The following MPPE1 variants were observed in gnomAD, a reference collection of about 807,000 sequenced individuals.
MPPE1 encodes metallo phosphoesterase.
Under a neutral mutation model 43.8 loss-of-function variants are expected in MPPE1, and 28 were observed. That is an observed-to-expected ratio of 0.64 (90% CI 0.47 to 0.88). The LOEUF is 0.88. Among genes scored for constraint, MPPE1 ranks in the 40% least tolerant of loss-of-function variants. The pLI, the probability that MPPE1 is intolerant of heterozygous loss-of-function variation, is 0.00. For missense variants in MPPE1, 428 were observed against 492.2 expected, an observed-to-expected ratio of 0.87 and a Z score of 1.23; for synonymous variants, 159 against 188.5, an observed-to-expected ratio of 0.84 and a Z score of 1.28.
intron 10 of MPPE1, chr18:11,885,389 A>G (rs1317558436): frequency 2.6e-6 from 1 of 391,298 alleles, no homozygotes; most frequent in Non-Finnish European, 4.6e-6. Context: ...AGAAAATTAA[A>G]CACACACAGA....
intron 3 of MPPE1, among the ~76,000 whole-genome samples, chr18:11,894,305 G>A (rs1168631955): frequency 1.3e-5 from 2 of 152,040 alleles, no homozygotes; most frequent in African/African-American, 4.8e-5. Context: ...GCATGCGCCT[G>A]TGGTACCAGC....
Position 11,897,146 on chromosome 18 carries a change from A to T in MPPE1, c.119T>A (p.Leu40Ter), listed in dbSNP as rs997880090. 3 of 1,378,322 alleles carry T rather than the reference A, an allele frequency of 2.2e-6. No homozygotes were observed. Among genetic ancestry groups the T allele is most frequent in the African/African-American group, 2.9e-5 (2 of 69,192 alleles). The allele number at this position is 1,378,322 out of a possible 1,614,324, so 85.4% of individuals were successfully genotyped here. ...VFAVLLFCEF[L>*]IYYLAIFQCN... ...CTGAAAGATCGCTAAGTAATAGATT[A>T]AAAATTCACAAAATAGAAGCACAGC... Residue 40 changes from leucine (L) to a stop codon, truncating the protein, a stop_gained, in exon 3 of 11, where the codon TTA (leucine) becomes TAA (stop). Coordinates refer to ENST00000588072, the MANE Select transcript of MPPE1 (RefSeq NM_023075.6). LOFTEE classifies it high-confidence loss of function.
intron 10 of MPPE1, 145 bp from the exon 11 acceptor site, chr18:11,884,772 G>A (rs565448003): frequency 2.3e-6 from 3 of 1,330,492 alleles, no homozygotes; most frequent in Admixed American, 2.8e-5. Flanking sequence ...AGACCAAGGG[G>A]GCCCAGCCTT....
rs1210650527 is a variant in MPPE1 at position 11,889,588 on chromosome 18, G to A, written c.391-98C>T. On this transcript the variant is annotated intron_variant, in intron 4 of 10. Coordinates refer to ENST00000588072, the MANE Select transcript of MPPE1 (RefSeq NM_023075.6). ...ATTTTGTTTTGCTTTTTTTTGAGAC[G>A]AGTCTGGCTCTGTCTCCAGGCTGAA... 2.3e-5 allele frequency: 19 copies of A among 833,812 alleles called. No homozygotes were observed. The East Asian group carries it at 3.5e-4, about 16-fold the overall frequency. 51.7% of individuals were successfully genotyped at this position (833,812 alleles called of 1,614,324 possible).
rs183299906 is a variant in MPPE1, at chr18:11,886,465, T to C, written c.867+34A>G. On this transcript the variant is annotated intron_variant, in intron 9 of 10. Transcript: ENST00000588072. This position sits in a 1 kb window ranked among gnomAD's most constrained non-coding sequence, Gnocchi z 4.1. ...ATGCAAGGTGATGAGAGTCACACTG[T>C]GACATGAATTAGCATCACGACACCC... The C allele has an allele frequency of 2.4e-4, 381 of 1,613,998 alleles. No homozygotes were observed. The African/African-American group carries it at 4.1e-3, about 17-fold the overall frequency.
At chr18:11,884,858 G>A in intron 10 of MPPE1, 5 of 1,363,686 alleles carry the variant, frequency 3.7e-6, no homozygotes, top group Non-Finnish European at 4.7e-6. Context: ...TGCCTGAGTG[G>A]AAAATGTCTG....
At position 11,884,266 on chromosome 18, in the gene MPPE1, T is replaced by C. The variant is rs1205142976; in HGVS notation, c.*179A>G. On this transcript the variant is annotated 3_prime_UTR_variant, in exon 11 of 11. Coordinates refer to ENST00000588072, the MANE Select transcript of MPPE1 (RefSeq NM_023075.6). ...GTTGTAGAGTACCTGTCCACTTTTA[T>C]AGCATGAGAACAGTACAATCAACTA... 3.3e-6 allele frequency: 2 copies of C among 609,476 alleles called. No individual in the cohort carries two copies. The highest frequency in any genetic ancestry group is 5.7e-6 in the Non-Finnish European group (2 of 348,274). The allele number at this position is 609,476 out of a possible 1,614,324, so 37.8% of individuals were successfully genotyped here.
intron 6 of MPPE1, 37 bp downstream of exon 6, chr18:11,888,632 A>C: frequency 7.6e-7 from 1 of 1,314,068 alleles, no homozygotes; most frequent in Admixed American, 2.0e-5. Context: ...GTTTCCAAGG[A>C]CTAAAGGTCT....
At chr18:11,887,389 T>C (rs9951817) in intron 6 of MPPE1, among the ~76,000 whole-genome samples, 11,510 of 152,152 alleles carry the variant, frequency 0.076, 597 homozygotes, top group African/African-American at 0.14. Context: ...CATCAGCTGG[T>C]TGTGAGGATT....
At chr18:11,897,449 A>G (rs2144573173) in intron 2 of MPPE1, 93 bp from the exon 3 acceptor site, 2 of 585,932 alleles carry the variant, frequency 3.4e-6, no homozygotes, top group Middle Eastern at 4.5e-4. Flanking sequence ...ACATAATCCT[A>G]TCTACATTTC....
chr18:11,885,895 C>G (rs2037162943), intron 9 of MPPE1, 79 bp from the exon 10 acceptor site: 1 of 1,354,138 alleles, frequency 7.4e-7, no homozygotes, highest in Non-Finnish European at 9.8e-7. Context: ...CAGACGGCCG[C>G]TGGCCATCGC....
intron 10 of MPPE1, chr18:11,884,938 C>G (rs10083973): frequency 1.6e-6 from 2 of 1,287,234 alleles, no homozygotes; most frequent in African/African-American, 1.5e-5. Context: ...GGATCCATAA[C>G]AGAGATTCAG....
In MPPE1 at chr18:11,884,555, A is replaced by G; in HGVS notation, c.1081T>C (p.Tyr361His). Residue 361 changes from tyrosine to histidine, a missense_variant, in exon 11 of 11, where the codon TAC becomes CAC. Around this residue, in one of 3 missense-constraint regions of MPPE1, gnomAD observed 379 missense variants for 402.5 expected, o/e 0.94. Transcript: ENST00000588072. ...ACAAGGAAGCCCACCACTCCACAGTAGATGATCAAAACCACATCCTCACGT... is the reference window on the plus strand; with the variant it reads ...ACAAGGAAGCCCACCACTCCACAGTGGATGATCAAAACCACATCCTCACGT... ...LPREDVVLII[Y>H]CGVVGFLVVL... 6.2e-7 allele frequency: 1 copy of G among 1,614,086 alleles called. No homozygotes were observed. Among genetic ancestry groups the G allele is most frequent in the Non-Finnish European group, 8.5e-7 (1 of 1,180,038 alleles).
At chr18:11,900,659 G>A (rs1248994055) in intron 2 of MPPE1, among the ~76,000 whole-genome samples, 1 of 152,048 alleles carries the variant, frequency 6.6e-6, no homozygotes, top group Non-Finnish European at 1.5e-5. Flanking sequence ...TGTAATCCCA[G>A]CACTTTGGGA....
At chr18:11,903,801 G>C (rs1024635793) in intron 2 of MPPE1, among the ~76,000 whole-genome samples, 1 of 151,768 alleles carries the variant, frequency 6.6e-6, no homozygotes, top group Non-Finnish European at 1.5e-5. Context: ...GCGAGACTCC[G>C]TCTCAAAAAA....
chr18:11,900,703 C>T lies in MPPE1; in HGVS notation c.-92-3347G>A, dbSNP rs112321814. 4.1e-3 allele frequency among the ~76,000 whole-genome samples: 620 copies of T among 151,668 alleles called. 3 individuals are homozygous for T. Among genetic ancestry groups the T allele is most frequent in the Middle Eastern group, 6.9e-3 (2 of 290 alleles). On this transcript the variant is annotated intron_variant, in intron 2 of 10. Coordinates refer to ENST00000588072, the MANE Select transcript of MPPE1 (RefSeq NM_023075.6). ...TGGGCAGATCACGAGGTCAGGAGAT[C>T]GAGACCATCCTGGCTAACACGGTGA...
At chr18:11,891,777 T>C (rs960320302) in intron 4 of MPPE1, among the ~76,000 whole-genome samples, 1 of 152,128 alleles carries the variant, frequency 6.6e-6, no homozygotes, top group African/African-American at 2.4e-5. Context: ...GGGGTTTTTT[T>C]TGTTTTGTTT....
intron 3 of MPPE1, chr18:11,895,210 C>T (rs1323944544): frequency 2.0e-5 from 3 of 152,334 alleles, no homozygotes; most frequent in Non-Finnish European, 4.4e-5. Flanking sequence ...TTTGGGAGGC[C>T]AAGGAGGGAG....
At chr18:11,900,722 ACG>A (rs1163425742) in intron 2 of MPPE1, among the ~76,000 whole-genome samples, 1 of 151,844 alleles carries the variant, frequency 6.6e-6, no homozygotes, top group Non-Finnish European at 1.5e-5. Flanking sequence ...CCTGGCTAAC[ACG>A]GTGAAACCCC....
Sources: allele counts gnomAD v4.1 joint callset (sites outside exome capture counted in the v4.1 genomes callset), GRCh38; gene constraint gnomAD v4.1.1; regional missense constraint gnomAD v4.1.1; non-coding constraint Gnocchi (gnomAD v3.1); transcripts MANE v1.5; gene names NCBI Gene and HGNC (gene_info 2026-07-23, HGNC 2026-07-21).